NEFM: variants seen among roughly 807,000 people sequenced by gnomAD.
The protein encoded by NEFM is neurofilament medium polypeptide.
NEFM carries 16 observed loss-of-function variants against 48.1 expected under a neutral mutation model. The observed-to-expected ratio is 0.33, with a 90% confidence interval of 0.23 to 0.51. The LOEUF (loss-of-function observed/expected upper bound fraction) is 0.51. NEFM is among the 20% of genes least tolerant of loss of function. NEFM has a pLI of 0.98. For missense variants in NEFM, 1,107 were observed against 1,136.0 expected (o/e 0.97, Z 0.37); for synonymous variants, 465 against 456.9 (o/e 1.02, Z -0.23).
rs760279112 is a variant in NEFM, at chr8:24,914,288, C to T, written c.495C>T (p.Asn165=). 9.3e-6 allele frequency: 15 copies of T among 1,612,950 alleles called. No individual in the cohort carries two copies. The highest frequency in any genetic ancestry group is 1.2e-5 in the Non-Finnish European group (14 of 1,179,678). The change falls in exon 1 of 3, where the codon AAC becomes AAT. Residue 165 remains asparagine, a synonymous_variant. Transcript: ENST00000221166. ...TGCGCGCCACCCTGGAGATGGTGAA[C>T]CACGAGAAGGCTCAGGTGCAGCTGG... ...RELRATLEMV[N]HEKAQVQLDS...
intron 1 of NEFM, chr8:24,915,110 G>A: frequency 4.4e-6 from 6 of 1,358,282 alleles, no homozygotes; most frequent in Non-Finnish European, 5.6e-6. Flanking sequence ...TCAGAAACGT[G>A]CATCTTTTCC....
At chr8:24,915,197 T>C (rs1802554143) in intron 1 of NEFM, 3 of 1,297,464 alleles carry the variant, frequency 2.3e-6, no homozygotes, top group East Asian at 3.5e-5. Flanking sequence ...AACTTTAGGA[T>C]AGCTTATGCA....
At position 24,917,752 on chromosome 8, in the gene NEFM, T is replaced by C; in HGVS notation, c.1897T>C (p.Ser633Pro). The C allele has an allele frequency of 6.2e-7, 1 of 1,612,846 alleles. No individual in the cohort carries two copies. Among genetic ancestry groups the C allele is most frequent in the East Asian group, 2.2e-5 (1 of 44,840 alleles). Residue 633 changes from serine (S) to proline (P), a missense_variant, in exon 3 of 3, where the codon TCA becomes CCA. This residue lies in a region of NEFM where 917 missense variants were observed against 916.4 expected (regional missense o/e 1.00). Coordinates refer to ENST00000221166, the MANE Select transcript of NEFM (RefSeq NM_005382.2). ...EEKGKSPVPK[S>P]PVEEKGKSPV... ...GAAAGGCAAGTCTCCTGTGCCCAAG[T>C]CACCAGTGGAAGAGAAAGGCAAGTC...
Position 24,917,589 on chromosome 8 carries a change from G to C in NEFM, c.1734G>C (p.Glu578Asp). The change falls in exon 3 of 3, where the codon GAG becomes GAC. Residue 578 changes from glutamate (E) to aspartate (D), a missense_variant. Physicochemically the swap from Glu to Asp is conservative, Grantham distance 45. Transcript: ENST00000221166. ...AAACAGAAGCTGAAGCTGAAGGAGA[G>C]GAAGCCGAAGCTAAAGAGGAAAAGA... ...EGETEAEAEG[E>D]EAEAKEEKKV... 1 of 1,600,142 alleles carries C rather than the reference G, an allele frequency of 6.2e-7. No individual in the cohort carries two copies. Among genetic ancestry groups the C allele is most frequent in the Non-Finnish European group, 8.5e-7 (1 of 1,172,766 alleles).
Position 24,918,836 on chromosome 8 carries a change from T to A in NEFM, c.*230T>A. On this transcript the variant is annotated 3_prime_UTR_variant, in exon 3 of 3. Coordinates refer to ENST00000221166, the MANE Select transcript of NEFM (RefSeq NM_005382.2). ...GAAATTTGCCGATTTCCTAAGCTGTTGGAAGGGGGTCACTTAAGGGGGGAT... is the reference window on the plus strand; with the variant it reads ...GAAATTTGCCGATTTCCTAAGCTGTAGGAAGGGGGTCACTTAAGGGGGGAT... The A allele has an allele frequency of 1.9e-6, 1 of 513,484 alleles. No homozygotes were observed. The highest frequency in any genetic ancestry group is 3.6e-5 in the East Asian group (1 of 27,726). The allele number at this position is 513,484 out of a possible 1,614,324, so 31.8% of individuals were successfully genotyped here.
At position 24,918,906 on chromosome 8, in the gene NEFM, TAAACG is replaced by T; in HGVS notation, c.*305_*309del. ...AAAGTACCAACTGAGCCAAAAACAATAAACGAAACACAGAACTCAGCCTTAAGAAA... is the reference window on the plus strand; with the variant it reads ...AAAGTACCAACTGAGCCAAAAACAATAAACACAGAACTCAGCCTTAAGAAA... On this transcript the variant is annotated 3_prime_UTR_variant, in exon 3 of 3. Coordinates refer to ENST00000221166, the MANE Select transcript of NEFM (RefSeq NM_005382.2). 1 of 398,140 alleles carries T rather than the reference TAAACG, an allele frequency of 2.5e-6. No individual in the cohort carries two copies. Among genetic ancestry groups the T allele is most frequent in the South Asian group, 2.8e-5 (1 of 35,484 alleles). 24.7% of individuals were successfully genotyped at this position (398,140 alleles called of 1,614,324 possible).
intron 2 of NEFM, 33 bp from the exon 3 acceptor site, chr8:24,917,028 A>T (rs752214993): frequency 6.3e-7 from 1 of 1,596,236 alleles, no homozygotes; most frequent in Non-Finnish European, 8.6e-7. Context: ...TGAAATTTTT[A>T]CTATGTCTTA....
In NEFM at chr8:24,918,173, A is replaced by T; in HGVS notation, c.2318A>T (p.Glu773Val). The T allele has an allele frequency of 1.3e-6, 2 of 1,552,116 alleles. No homozygotes were observed. The highest frequency in any genetic ancestry group is 1.7e-6 in the Non-Finnish European group (2 of 1,147,254). The change falls in exon 3 of 3, where the codon GAG becomes GTG. Residue 773 changes from glutamate to valine, a missense_variant. Glu to Val is a moderately radical substitution (Grantham distance 121, BLOSUM62 -2). This residue lies in a region of NEFM where 917 missense variants were observed against 916.4 expected (regional missense o/e 1.00). Coordinates refer to ENST00000221166, the MANE Select transcript of NEFM (RefSeq NM_005382.2). ...GGGAAGCCACTGCAGCAGGAGAAAG[A>T]GAAGGAGAAAGCGGGAGGAGAGGGA... ...EEGKPLQQEKEKEKAGGEGGS... is the reference protein window; with the variant it reads ...EEGKPLQQEKVKEKAGGEGGS...
chr8:24,915,206 C>A, intron 1 of NEFM: 3 of 1,291,952 alleles, frequency 2.3e-6, no homozygotes, highest in Non-Finnish European at 2.9e-6. Flanking sequence ...ATAGCTTATG[C>A]AGAAACGCGT....
In NEFM at chr8:24,918,461, C is replaced by T; in HGVS notation, c.2606C>T (p.Ala869Val). ...ATCACCAGTGAGGGGGGAGATGGTG[C>T]TACCAAATACATCACTAAATCTGTA... ...EKITSEGGDGATKYITKSVTV... is the reference protein window; with the variant it reads ...EKITSEGGDGVTKYITKSVTV... The change falls in exon 3 of 3, where the codon GCT becomes GTT. Residue 869 changes from alanine (A) to valine (V), a missense_variant. By Grantham distance (64) the Ala-to-Val change is moderately conservative. Transcript: ENST00000221166. 2 of 1,614,002 alleles carry T rather than the reference C, an allele frequency of 1.2e-6. No individual in the cohort carries two copies. Among genetic ancestry groups the T allele is most frequent in the South Asian group, 1.1e-5 (1 of 91,058 alleles).
chr8:24,916,925 A>G, intron 2 of NEFM, 136 bp from the exon 3 acceptor site: 1 of 796,018 alleles, frequency 1.3e-6, no homozygotes, highest in Admixed American at 1.8e-5. Context: ...CAGGTATTAT[A>G]GTGAATTCAT....
rs371903773 is a variant in NEFM, at chr8:24,913,904, G to A, written c.111G>A (p.Ser37=). 6.0e-5 allele frequency: 97 copies of A among 1,610,700 alleles called. No individual in the cohort carries two copies. The highest frequency in any genetic ancestry group is 7.8e-5 in the Non-Finnish European group (92 of 1,178,928). Residue 37 remains serine, a synonymous_variant, in exon 1 of 3, where the codon TCG becomes TCA. Transcript: ENST00000221166. The part of the protein sequence containing the change: ...VSGSPSSGFR[S]QSWSRGSPST... ...GCTCCCCGTCCAGTGGCTTCCGCTCGCAGTCGTGGTCCCGCGGCTCGCCCA... is the reference window on the plus strand; with the variant it reads ...GCTCCCCGTCCAGTGGCTTCCGCTCACAGTCGTGGTCCCGCGGCTCGCCCA...
At chr8:24,916,030 C>T (rs2117222138) in intron 2 of NEFM, among the ~76,000 whole-genome samples, 1 of 152,254 alleles carries the variant, frequency 6.6e-6, no homozygotes, top group Non-Finnish European at 1.5e-5. Context: ...TTTTCAAATG[C>T]TGGAAGCATG....
intron 2 of NEFM, 41 bp from the exon 3 acceptor site, chr8:24,917,020 A>G: frequency 6.3e-7 from 1 of 1,582,086 alleles, no homozygotes; most frequent in Non-Finnish European, 8.7e-7. Flanking sequence ...AGGCCTAGTG[A>G]AATTTTTACT....
Position 24,918,795 on chromosome 8 carries a change from T to G in NEFM, c.*189T>G. The G allele has an allele frequency of 1.7e-6, 1 of 605,700 alleles. No individual in the cohort carries two copies. The highest frequency in any genetic ancestry group is 2.9e-6 in the Non-Finnish European group (1 of 341,220). The allele number at this position is 605,700 out of a possible 1,614,324, so 37.5% of individuals were successfully genotyped here. ...GTCTTTGGGGGATTCAAATGCATGA[T>G]ATTGTATGTACCTGGGAAATTTGCC... On this transcript the variant is annotated 3_prime_UTR_variant, in exon 3 of 3. Transcript: ENST00000221166.
rs745326247 is a variant in NEFM, at chr8:24,914,703, G to A, written c.910G>A (p.Glu304Lys). 11 of 1,614,084 alleles carry A rather than the reference G, an allele frequency of 6.8e-6. No individual in the cohort carries two copies. The highest frequency in any genetic ancestry group is 7.6e-6 in the Non-Finnish European group (9 of 1,180,022). The change falls in exon 1 of 3, where the codon GAG (glutamate) becomes AAG (lysine). Residue 304 changes from glutamate to lysine, a missense_variant. Physicochemically the swap from Glu to Lys is moderately conservative, Grantham distance 56 (BLOSUM62 1). Coordinates refer to ENST00000221166, the MANE Select transcript of NEFM (RefSeq NM_005382.2). ...CTACGCCAAGCTCACCGAGGCGGCCGAGCAGAACAAGGAGGCCATCCGCTC... is the reference window on the plus strand; with the variant it reads ...CTACGCCAAGCTCACCGAGGCGGCCAAGCAGAACAAGGAGGCCATCCGCTC... ...CRYAKLTEAA[E>K]QNKEAIRSAK...
At position 24,917,393 on chromosome 8, in the gene NEFM, T is replaced by C. The variant is rs550553242; in HGVS notation, c.1538T>C (p.Val513Ala). The C allele has an allele frequency of 1.9e-6, 3 of 1,571,288 alleles. No homozygotes were observed. The highest frequency in any genetic ancestry group is 2.6e-6 in the Non-Finnish European group (3 of 1,158,148). Reference protein sequence around the residue: ...EEEVAAKKSPVKATAPEVKEE... With the variant: ...EEEVAAKKSPAKATAPEVKEE... ...GAAGTAGCTGCCAAAAAGTCTCCAG[T>C]GAAAGCAACTGCACCTGAAGTTAAA... Residue 513 changes from valine (V) to alanine (A), a missense_variant, in exon 3 of 3, where the codon GTG becomes GCG. Physicochemically the swap from Val to Ala is moderately conservative, Grantham distance 64. Transcript: ENST00000221166.
At position 24,917,149 on chromosome 8, in the gene NEFM, A is replaced by T. The variant is rs748605446; in HGVS notation, c.1294A>T (p.Ile432Leu). 6.2e-7 allele frequency: 1 copy of T among 1,614,180 alleles called. No homozygotes were observed. Among genetic ancestry groups the T allele is most frequent in the Non-Finnish European group, 8.5e-7 (1 of 1,180,032 alleles). ...PLYTHRPPITISSKIQKPKVE... is the reference protein window; with the variant it reads ...PLYTHRPPITLSSKIQKPKVE... ...GTATACACACCGACCCCCAATCACA[A>T]TATCCAGTAAGATTCAGAAACCCAA... The change falls in exon 3 of 3, where the codon ATA becomes TTA. Residue 432 changes from isoleucine (I) to leucine (L), a missense_variant. Around this residue, in one of 3 missense-constraint regions of NEFM, gnomAD observed 917 missense variants for 916.4 expected, o/e 1.00. Transcript: ENST00000221166.
In NEFM at chr8:24,918,324, G is replaced by A. The variant is rs777016506; in HGVS notation, c.2469G>A (p.Arg823=). The part of the protein sequence containing the change: ...EQETKEKGSG[R]EEEKGVVTNG... ...AGACCAAGGAAAAAGGCAGTGGGAGGGAAGAGGAGAAAGGCGTTGTCACCA... is the reference window on the plus strand; with the variant it reads ...AGACCAAGGAAAAAGGCAGTGGGAGAGAAGAGGAGAAAGGCGTTGTCACCA... Residue 823 remains arginine, a synonymous_variant, in exon 3 of 3, where the codon AGG becomes AGA. Transcript: ENST00000221166. The A allele has an allele frequency of 6.2e-7, 1 of 1,613,844 alleles. No homozygotes were observed. The highest frequency in any genetic ancestry group is 1.3e-5 in the African/African-American group (1 of 74,866).
Sources: allele counts gnomAD v4.1 joint callset (sites outside exome capture counted in the v4.1 genomes callset), GRCh38; gene constraint gnomAD v4.1.1; regional missense constraint gnomAD v4.1.1; transcripts MANE v1.5; gene names NCBI Gene and HGNC (gene_info 2026-07-23, HGNC 2026-07-21).